Variants in DLG2 observed in about 807,000 individuals in gnomAD.
DLG2 encodes discs large MAGUK scaffold protein 2.
In DLG2, 45 loss-of-function variants were observed where a neutral mutation model predicts 132.5. The ratio of observed to expected loss-of-function variants is 0.34; its 90% CI spans 0.27 to 0.44. The LOEUF (loss-of-function observed/expected upper bound fraction) is 0.44. Among genes scored for constraint, DLG2 ranks in the 20% least tolerant of loss-of-function variants. The pLI is 1.00. For synonymous variants in DLG2, 424 were observed against 419.6 expected, an observed-to-expected ratio of 1.01 and a Z score of -0.13; for missense variants, 1,045 against 1,196.9, an observed-to-expected ratio of 0.87 and a Z score of 1.87.
intron 19 of DLG2, among the ~76,000 whole-genome samples, chr11:83,577,070 C>T (rs1256665833): frequency 1.3e-5 from 2 of 152,074 alleles, no homozygotes; most frequent in African/African-American, 4.8e-5. Flanking sequence ...ATCTGGTAGG[C>T]ACAATCTAAT....
At chr11:83,690,977 G>T (rs2080889660) in intron 18 of DLG2, among the ~76,000 whole-genome samples, 1 of 152,124 alleles carries the variant, frequency 6.6e-6, no homozygotes, top group Non-Finnish European at 1.5e-5. Flanking sequence ...AAGATTGTAT[G>T]CCCTATAAAA....
At chr11:84,686,428 C>A (rs1159777680) in intron 6 of DLG2, among the ~76,000 whole-genome samples, 1 of 152,140 alleles carries the variant, frequency 6.6e-6, no homozygotes, top group East Asian at 1.9e-4. Context: ...ATCCAAACAA[C>A]AACCTGGATT....
intron 3 of DLG2, among the ~76,000 whole-genome samples, chr11:85,308,265 GA>G (rs1228360830): frequency 6.7e-6 from 1 of 149,932 alleles, no homozygotes; most frequent in East Asian, 1.9e-4. Context: ...AAATTAAGGG[GA>G]AAAAAGGAAT....
At chr11:83,465,120 T>C (rs779527211) in intron 26 of DLG2, among the ~76,000 whole-genome samples, 3 of 152,174 alleles carry the variant, frequency 2.0e-5, no homozygotes, top group Non-Finnish European at 4.4e-5. Context: ...AAAAACTCTT[T>C]ATATTATAAT....
intron 7 of DLG2, chr11:84,437,307 T>C (rs940243752): frequency 6.6e-6 from 1 of 152,176 alleles, no homozygotes; most frequent in Non-Finnish European, 1.5e-5. Context: ...AAATAAAGAC[T>C]GCGTCTGTAC....
At chr11:84,600,159 GGAAAGAAAGAAAGAAAGAAAGAAA>G (rs1181993623) in intron 6 of DLG2, among the ~76,000 whole-genome samples, 8 of 96,146 alleles carry the variant, frequency 8.3e-5, no homozygotes, top group South Asian at 4.2e-4. Context: ...AAAGAAAGAA[GGAAAGAAAGAAAGAAAGAAAGAAA>G]GAAAGAAAGA....
intron 3 of DLG2, among the ~76,000 whole-genome samples, chr11:85,451,833 C>T (rs1425671461): frequency 6.6e-6 from 1 of 152,062 alleles, no homozygotes; most frequent in Non-Finnish European, 1.5e-5. Context: ...TACAGGTGAG[C>T]CAGCATGCCC....
At chr11:85,374,489 A>G (rs980341986) in intron 3 of DLG2, among the ~76,000 whole-genome samples, 15 of 152,170 alleles carry the variant, frequency 9.9e-5, no homozygotes, top group Non-Finnish European at 1.9e-4. Context: ...CTTATGTCCT[A>G]CAGCCACACC....
intron 6 of DLG2, among the ~76,000 whole-genome samples, chr11:84,953,991 A>T (rs1470496849): frequency 6.6e-6 from 1 of 151,922 alleles, no homozygotes; most frequent in African/African-American, 2.4e-5. Context: ...ACCATTTTCT[A>T]TCATGCCTCT....
intron 7 of DLG2, chr11:84,317,300 A>G: frequency 6.9e-7 from 1 of 1,443,528 alleles, no homozygotes; most frequent in East Asian, 2.4e-5. Flanking sequence ...TCGTGGGAGC[A>G]GTGGGAGCAG....
At chr11:84,157,670 C>T (rs1053935595) in intron 9 of DLG2, among the ~76,000 whole-genome samples, 17 of 152,214 alleles carry the variant, frequency 1.1e-4, no homozygotes, top group African/African-American at 3.6e-4. Context: ...CAGGAAATTA[C>T]TTCATGCGGA....
rs894337668 is a variant in DLG2, at chr11:84,907,827, A to T, written c.357+203834T>A. 2.0e-5 allele frequency among the ~76,000 whole-genome samples: 3 copies of T among 152,188 alleles called. No homozygotes were observed. In the East Asian group the frequency reaches 5.8e-4, roughly 29 times the overall value. On this transcript the variant is annotated intron_variant, in intron 6 of 27. Transcript: ENST00000376104. ...TGCACTTGAGAGGCTGTACATTTTA[A>T]TGGAAAAAGTGCTGGACATTAGCCT...
chr11:84,623,970 T>C (rs543127812), intron 6 of DLG2, among the ~76,000 whole-genome samples: 1 of 152,330 alleles, frequency 6.6e-6, no homozygotes, highest in East Asian at 1.9e-4. Context: ...TTTTGTATCT[T>C]CAATGCCTTA....
At chr11:85,022,254 A>C (rs1274793876) in intron 6 of DLG2, among the ~76,000 whole-genome samples, 1 of 151,812 alleles carries the variant, frequency 6.6e-6, no homozygotes, top group Non-Finnish European at 1.5e-5. Flanking sequence ...AGAAAGAATG[A>C]AACACTAAAA....
At chr11:84,950,272 T>G (rs1446897833) in intron 6 of DLG2, among the ~76,000 whole-genome samples, 4 of 152,126 alleles carry the variant, frequency 2.6e-5, no homozygotes, top group African/African-American at 9.7e-5. Flanking sequence ...AACTCCTAAT[T>G]ATGAGAAGAT....
intron 6 of DLG2, among the ~76,000 whole-genome samples, chr11:85,038,968 A>T (rs2154148253): frequency 6.6e-6 from 1 of 152,162 alleles, no homozygotes; most frequent in Admixed American, 6.5e-5. Flanking sequence ...AATATTTGTT[A>T]CTTCCATAAA....
chr11:83,718,005 G>A (rs941507357), intron 18 of DLG2, among the ~76,000 whole-genome samples: 2 of 152,190 alleles, frequency 1.3e-5, no homozygotes, highest in Non-Finnish European at 2.9e-5. Context: ...GAGTAAAGAC[G>A]GCTTTACCTT....
At chr11:84,006,868 C>T (rs1341276413) in intron 11 of DLG2, among the ~76,000 whole-genome samples, 2 of 151,582 alleles carry the variant, frequency 1.3e-5, no homozygotes, top group African/African-American at 4.8e-5. Context: ...CTTGTTCCCC[C>T]AACACTGACT....
intron 4 of DLG2, among the ~76,000 whole-genome samples, chr11:85,165,698 T>C (rs369164348): frequency 3.5e-4 from 54 of 152,304 alleles, no homozygotes; most frequent in Middle Eastern, 3.4e-3. Flanking sequence ...ATCAAACTGG[T>C]TTTCAGGAAA....
Sources: allele counts gnomAD v4.1 joint callset (sites outside exome capture counted in the v4.1 genomes callset), GRCh38; gene constraint gnomAD v4.1.1; transcripts MANE v1.5; gene names NCBI Gene and HGNC (gene_info 2026-07-23, HGNC 2026-07-21).